Variants in OFD1 observed in about 807,000 individuals in gnomAD.
OFD1 encodes centriole and centriolar satellite protein OFD1.
In OFD1, 12 loss-of-function variants were observed where a neutral mutation model predicts 81.4. The ratio of observed to expected loss-of-function variants is 0.15; its 90% CI spans 0.09 to 0.24. The LOEUF (loss-of-function observed/expected upper bound fraction) is 0.24. Ranked by LOEUF, OFD1 falls within the 10% of genes least tolerant of loss-of-function variation. The pLI is 1.00. For synonymous variants in OFD1, 256 were observed against 263.7 expected (o/e 0.97, Z 0.28); for missense variants, 685 against 733.9 (o/e 0.93, Z 0.77).
chrX:13,715,126 A>T, the OFD1 span, among the ~76,000 whole-genome samples: 3 of 112,903 alleles, frequency 2.7e-5, no homozygotes, highest in African/African-American at 9.7e-5. Flanking sequence ...AAATTGTATT[A>T]CTGTGCTGAT....
At chrX:13,744,546 C>T in intron 6 of OFD1, 27 bp downstream of exon 6, 2 of 894,666 alleles carry the variant, frequency 2.2e-6, no homozygotes, top group Non-Finnish European at 3.3e-6. Context: ...TTCTTAATTT[C>T]AGTTCTGCTG....
chrX:13,768,593 GT>G, intron 21 of OFD1, 124 bp from the exon 22 acceptor site: 2 of 584,746 alleles, frequency 3.4e-6, no homozygotes, highest in Non-Finnish European at 5.9e-6. Flanking sequence ...TAAATTTCAT[GT>G]TTAAAAGTCA....
chrX:13,725,462 C>T, the OFD1 span, among the ~76,000 whole-genome samples: 1 of 112,289 alleles, frequency 8.9e-6, no homozygotes. Flanking sequence ...CCCAGGCAAA[C>T]GGGGTCTGGA....
the OFD1 span, chrX:13,715,991 G>A: frequency 1.7e-6 from 2 of 1,176,450 alleles, no homozygotes; most frequent in African/African-American, 1.8e-5. Context: ...AAAAATTATA[G>A]AACATACCAT....
In OFD1 at chrX:13,734,848, C is replaced by T; in HGVS notation, c.-224C>T. 9.2e-7 allele frequency: 1 copy of T among 1,085,037 alleles called. No individual in the cohort carries two copies. Among genetic ancestry groups the T allele is most frequent in the Non-Finnish European group, 1.2e-6 (1 of 840,936 alleles). 89.4% of individuals were successfully genotyped at this position (1,085,037 alleles called of 1,213,427 possible). A position where few individuals can be genotyped will look rare whatever the true frequency, so the allele number is the denominator to read the frequency against. On this transcript the variant is annotated 5_prime_UTR_variant, in exon 1 of 23. Transcript: ENST00000340096. Reference sequence around the variant, plus strand: ...GTCGTGCCTGGGTCCTCGCCCTTGCCTCAGAACCGCGAAGAAAGGAAGCTC... The same window carrying T: ...GTCGTGCCTGGGTCCTCGCCCTTGCTTCAGAACCGCGAAGAAAGGAAGCTC...
chrX:13,736,530 G>C lies in OFD1; in HGVS notation c.164G>C (p.Gly55Ala). ...IHELMHPVLS[G>A]ELQPRSISVE... ...GAGTTGATGCACCCTGTATTGAGTG[G>C]AGAACTGCAGCCTCGGTCCATTTCA... The change falls in exon 3 of 23, where the codon GGA (glycine) becomes GCA (alanine). Residue 55 changes from glycine (G) to alanine (A), a missense_variant. Transcript: ENST00000340096. 2 of 1,211,123 alleles carry C rather than the reference G, an allele frequency of 1.7e-6. No individual in the cohort carries two copies. The highest frequency in any genetic ancestry group is 2.2e-6 in the Non-Finnish European group (2 of 894,925).
chrX:13,770,567 C>G (rs750500138), downstream of OFD1, among the ~76,000 whole-genome samples: 154 of 112,383 alleles, frequency 1.4e-3, no homozygotes, highest in African/African-American at 4.8e-3. Flanking sequence ...GTAAATCTTT[C>G]AATAGACTTT....
chrX:13,772,854 C>G (rs898272539), downstream of OFD1: 9 of 1,197,554 alleles, frequency 7.5e-6, no homozygotes, highest in African/African-American at 1.2e-4. Context: ...GCTGTAAATA[C>G]GTCGGCCGAA....
At chrX:13,772,287 A>T (rs1163447767), downstream of OFD1, 2 of 112,364 alleles carry the variant, frequency 1.8e-5, no homozygotes, top group Admixed American at 1.9e-4. Flanking sequence ...ATTGAAAAAT[A>T]TATTTCTGAT....
At chrX:13,724,686 G>A in the OFD1 span, among the ~76,000 whole-genome samples, 6 of 112,499 alleles carry the variant, frequency 5.3e-5, no homozygotes, top group Admixed American at 1.9e-4. Context: ...CGTGATCAAC[G>A]CAGAAGATGG....
chrX:13,768,980 A>G lies in OFD1; in HGVS notation c.2997-86A>G, dbSNP rs773083277. The G allele has an allele frequency of 3.7e-6, 3 of 810,356 alleles. No homozygotes were observed. The South Asian group carries it at 6.2e-5, about 17-fold the overall frequency. 66.8% of individuals were successfully genotyped at this position (810,356 alleles called of 1,213,427 possible). A position where few individuals can be genotyped will look rare whatever the true frequency, so the allele number is the denominator to read the frequency against. On this transcript the variant is annotated intron_variant, in intron 22 of 22. Transcript: ENST00000340096. ...TTGTAAACTAGGGCAGAAACCCCCC[A>G]GGGAAGGAATTGAGAACATTATGAA...
chrX:13,730,923 G>T (rs1486236418), upstream of OFD1, among the ~76,000 whole-genome samples: 2 of 106,879 alleles, frequency 1.9e-5, no homozygotes, highest in Non-Finnish European at 3.9e-5. Context: ...GTCAGGGGGT[G>T]GGGGGCTGGG....
chrX:13,760,045 A>G, intron 15 of OFD1, 70 bp from the exon 16 acceptor site: 1 of 1,180,867 alleles, frequency 8.5e-7, no homozygotes. Flanking sequence ...CAAAAAAATA[A>G]TATTCTCAAG....
At chrX:13,754,260 C>T (rs1305318939) in intron 11 of OFD1, among the ~76,000 whole-genome samples, 2 of 111,164 alleles carry the variant, frequency 1.8e-5, no homozygotes, top group African/African-American at 6.6e-5. Flanking sequence ...GGATTACAGG[C>T]GTGAGCCACC....
At chrX:13,745,451 T>G (rs1482903768) in intron 6 of OFD1, among the ~76,000 whole-genome samples, 1 of 112,592 alleles carries the variant, frequency 8.9e-6, no homozygotes, top group Non-Finnish European at 1.9e-5. Flanking sequence ...AAATCTCATG[T>G]GTTTTTTACA....
intron 5 of OFD1, among the ~76,000 whole-genome samples, chrX:13,742,943 C>T (rs2047164078): frequency 8.9e-6 from 1 of 111,794 alleles, no homozygotes; most frequent in Non-Finnish European, 1.9e-5. Context: ...GGTATGCAGA[C>T]TGTGACAAAA....
At chrX:13,728,325 G>A in the OFD1 span, among the ~76,000 whole-genome samples, 3,365 of 111,592 alleles carry the variant, frequency 0.03, 112 homozygotes, top group African/African-American at 0.093. Flanking sequence ...CAATATCCCC[G>A]ATGAACATTG....
intron 19 of OFD1, among the ~76,000 whole-genome samples, chrX:13,764,261 A>G (rs1013827798): frequency 1.8e-5 from 2 of 112,591 alleles, no homozygotes; most frequent in Non-Finnish European, 3.8e-5. Context: ...CCCAGCATAT[A>G]TCTTTAATAT....
intron 18 of OFD1, among the ~76,000 whole-genome samples, chrX:13,763,452 G>T (rs956871222): frequency 8.9e-6 from 1 of 112,829 alleles, no homozygotes; most frequent in Admixed American, 9.3e-5. Context: ...GAATTCAAAT[G>T]ATGATCAGCA....
Sources: gnomAD v4.1 joint callset for allele counts (sites outside exome capture counted in the v4.1 genomes callset) on GRCh38, gnomAD v4.1.1 for gene constraint, MANE v1.5 for transcripts, NCBI Gene and HGNC (gene_info 2026-07-23, HGNC 2026-07-21) for gene names.